CSMD1: variants seen among roughly 807,000 people sequenced by gnomAD.
CSMD1 encodes CUB and sushi domain-containing protein 1.
Under a neutral mutation model 417.5 loss-of-function variants are expected in CSMD1, and 213 were observed. The observed-to-expected ratio is 0.51, with a 90% CI of 0.46 to 0.57. The LOEUF (loss-of-function observed/expected upper bound fraction) is 0.57, where lower values mean the gene tolerates loss of function less well. Among genes scored for constraint, CSMD1 ranks in the 20% least tolerant of loss-of-function variants. The pLI, the probability that CSMD1 is intolerant of heterozygous loss-of-function variation, is 0.00. For synonymous variants in CSMD1, 2,862 were observed against 1,736.8 expected (o/e 1.65, Z -16.11); for missense variants, 6,923 against 4,529.7 (o/e 1.53, Z -15.17).
chr8:3,826,670 T>G (rs1029698688), intron 5 of CSMD1, among the ~76,000 whole-genome samples: 6 of 152,196 alleles, frequency 3.9e-5, no homozygotes, highest in African/African-American at 1.4e-4. Flanking sequence ...GCATGGGTTT[T>G]GAGGAACCAA....
At chr8:3,767,661 T>C (rs1392050053) in intron 5 of CSMD1, among the ~76,000 whole-genome samples, 5 of 152,218 alleles carry the variant, frequency 3.3e-5, no homozygotes, top group Admixed American at 1.3e-4. Context: ...ATATGATATA[T>C]GGTATACAAG....
chr8:4,747,225 A>G (rs1397533533), intron 1 of CSMD1, among the ~76,000 whole-genome samples: 3 of 152,224 alleles, frequency 2.0e-5, no homozygotes, highest in Non-Finnish European at 4.4e-5. Context: ...TCAGTAATGA[A>G]CACAGCATTT....
At chr8:4,598,620 C>A (rs957995768) in intron 2 of CSMD1, among the ~76,000 whole-genome samples, 1 of 152,148 alleles carries the variant, frequency 6.6e-6, no homozygotes, top group Non-Finnish European at 1.5e-5. Context: ...TATATTAAAT[C>A]AACTCAATAA....
intron 1 of CSMD1, among the ~76,000 whole-genome samples, chr8:4,991,526 C>T (rs1811460750): frequency 6.6e-6 from 1 of 152,200 alleles, no homozygotes; most frequent in Admixed American, 6.5e-5. Context: ...CCTGCCTTCG[C>T]CACAGCGGGA....
chr8:3,019,854 A>C (rs746413859), intron 51 of CSMD1, among the ~76,000 whole-genome samples: 2 of 152,250 alleles, frequency 1.3e-5, no homozygotes, highest in Non-Finnish European at 2.9e-5. Context: ...AGGAACTCAC[A>C]AGGTTATCCA....
At chr8:3,891,308 C>G (rs1335340915) in intron 5 of CSMD1, among the ~76,000 whole-genome samples, 4 of 152,122 alleles carry the variant, frequency 2.6e-5, no homozygotes, top group Non-Finnish European at 5.9e-5. Context: ...CCTCAACCTC[C>G]CAAAGTGCTG....
intron 1 of CSMD1, among the ~76,000 whole-genome samples, chr8:4,900,417 A>C (rs1424592214): frequency 2.6e-5 from 4 of 152,020 alleles, no homozygotes; most frequent in Non-Finnish European, 5.9e-5. Context: ...ATCTATCACC[A>C]ATTTCTGGAG....
intron 5 of CSMD1, among the ~76,000 whole-genome samples, chr8:3,913,035 T>C (rs1028742250): frequency 3.3e-5 from 5 of 151,996 alleles, no homozygotes; most frequent in Admixed American, 2.6e-4. Flanking sequence ...GTGGAGAGAA[T>C]CGTGACTTTA....
At chr8:4,067,564 A>G (rs905747721) in intron 3 of CSMD1, among the ~76,000 whole-genome samples, 6 of 152,150 alleles carry the variant, frequency 3.9e-5, no homozygotes, top group African/African-American at 1.4e-4. Flanking sequence ...AAGCCAGAAT[A>G]AGTTTCAACA....
At chr8:4,066,854 G>T (rs761840514) in intron 3 of CSMD1, among the ~76,000 whole-genome samples, 1 of 152,166 alleles carries the variant, frequency 6.6e-6, no homozygotes, top group Non-Finnish European at 1.5e-5. Context: ...CAGTAGCCTT[G>T]ATCACTGCTG....
At chr8:3,162,483 T>G (rs1819960865) in intron 37 of CSMD1, among the ~76,000 whole-genome samples, 1 of 152,162 alleles carries the variant, frequency 6.6e-6, no homozygotes, top group African/African-American at 2.4e-5. Flanking sequence ...TTATCTTATT[T>G]TCATTACACA....
chr8:4,084,112 C>T (rs1025950999), intron 3 of CSMD1, among the ~76,000 whole-genome samples: 2 of 152,146 alleles, frequency 1.3e-5, no homozygotes, highest in South Asian at 2.1e-4. Context: ...AAAGGTAAAA[C>T]CACAATATGT....
chr8:3,092,850 T>C (rs1203310447), intron 47 of CSMD1, among the ~76,000 whole-genome samples: 2 of 152,208 alleles, frequency 1.3e-5, no homozygotes, highest in Non-Finnish European at 2.9e-5. Flanking sequence ...GCATTTTGCA[T>C]TTCACAGTTC....
rs3076013 is a variant in CSMD1, at chr8:2,960,939, G to GATATATATATATATATATAT, written c.9702+182_9702+201dup. Among the ~76,000 whole-genome samples the GATATATATATATATATATAT allele has an allele frequency of 1.4e-3, 173 of 121,950 alleles. 2 individuals are homozygous for GATATATATATATATATATAT. The highest frequency in any genetic ancestry group is 4.0e-3 in the African/African-American group (134 of 33,156). The allele number at this position is 121,950 out of a possible 152,430, so 80.0% of individuals were successfully genotyped here. On this transcript the variant is annotated intron_variant, in intron 62 of 69. Coordinates refer to ENST00000635120, the MANE Select transcript of CSMD1 (RefSeq NM_033225.6). ...TATTCCATTATTATCTAGTAAGCAA[G>GATATATATATATATATATAT]ATATATATATATATATATATATATA...
At chr8:3,398,784 G>A (rs766377498) in intron 16 of CSMD1, among the ~76,000 whole-genome samples, 9 of 152,094 alleles carry the variant, frequency 5.9e-5, no homozygotes, top group African/African-American at 1.9e-4. Flanking sequence ...TTCTTATATA[G>A]AACTCCAATA....
chr8:3,639,813 A>G (rs1470065503), intron 7 of CSMD1, among the ~76,000 whole-genome samples: 2 of 152,188 alleles, frequency 1.3e-5, no homozygotes, highest in Non-Finnish European at 1.5e-5. Flanking sequence ...GTTCAGGGCA[A>G]TGGACCTAAA....
At chr8:3,581,841 G>T (rs1378192965) in intron 9 of CSMD1, among the ~76,000 whole-genome samples, 2 of 151,722 alleles carry the variant, frequency 1.3e-5, no homozygotes, top group Non-Finnish European at 2.9e-5. Context: ...TTTTGCTCTT[G>T]TCACCCAGGC....
At chr8:3,354,915 ATG>A (rs200489892) in intron 21 of CSMD1, among the ~76,000 whole-genome samples, 6 of 150,410 alleles carry the variant, frequency 4.0e-5, no homozygotes, top group East Asian at 2.0e-4. Flanking sequence ...ATCTATAGAT[ATG>A]TCTATCTATA....
chr8:3,789,532 A>G (rs1298782782), intron 5 of CSMD1, among the ~76,000 whole-genome samples: 2 of 150,310 alleles, frequency 1.3e-5, no homozygotes, highest in African/African-American at 2.4e-5. Context: ...TTATGCTAGT[A>G]CTTTAATACT....
Sources: allele counts gnomAD v4.1 joint callset (sites outside exome capture counted in the v4.1 genomes callset), GRCh38; gene constraint gnomAD v4.1.1; transcripts MANE v1.5; gene names NCBI Gene and HGNC (gene_info 2026-07-23, HGNC 2026-07-21).